GRM7: variants seen among roughly 807,000 people sequenced by gnomAD.
GRM7 encodes glutamate metabotropic receptor 7.
GRM7 carries 35 observed loss-of-function variants against 84.5 expected under a neutral mutation model. The observed-to-expected ratio is 0.41, with a 90% CI of 0.32 to 0.55. GRM7 has a LOEUF of 0.55. GRM7 is among the 20% of genes least tolerant of loss of function. The pLI is 0.19. For missense variants in GRM7, 1,003 were observed against 1,194.6 expected, an observed-to-expected ratio of 0.84 and a Z score of 2.36; for synonymous variants, 487 against 455.1, an observed-to-expected ratio of 1.07 and a Z score of -0.89.
chr3:7,414,521 C>G (rs1375500527), intron 4 of GRM7, among the ~76,000 whole-genome samples: 4 of 152,126 alleles, frequency 2.6e-5, no homozygotes, highest in Non-Finnish European at 5.9e-5. Flanking sequence ...CTAGAGAGTT[C>G]CTGGCGTCCT....
chr3:7,051,101 C>A (rs1381108726), intron 1 of GRM7, among the ~76,000 whole-genome samples: 1 of 151,674 alleles, frequency 6.6e-6, no homozygotes, highest in Non-Finnish European at 1.5e-5. Flanking sequence ...GTTTGGGGAT[C>A]ACTGCTTGAA....
intron 7 of GRM7, among the ~76,000 whole-genome samples, chr3:7,554,682 G>A (rs1023660182): frequency 3.9e-5 from 6 of 152,224 alleles, no homozygotes; most frequent in Admixed American, 3.3e-4. Flanking sequence ...TAGGTCCTGG[G>A]CTCCATTCAG....
chr3:6,913,886 T>C (rs952539473), intron 1 of GRM7, among the ~76,000 whole-genome samples: 15 of 152,174 alleles, frequency 9.9e-5, no homozygotes, highest in African/African-American at 3.4e-4. Flanking sequence ...TGGCGTGCCA[T>C]GCCTTCTCAA....
At chr3:7,566,307 T>C (rs9832297) in intron 7 of GRM7, among the ~76,000 whole-genome samples, 67,267 of 151,736 alleles carry the variant, frequency 0.44, 15,292 homozygotes, top group African/African-American at 0.54. Flanking sequence ...TTTTGACCCA[T>C]AGGCCAGCTT....
At chr3:7,569,911 C>T (rs150670174) in intron 7 of GRM7, among the ~76,000 whole-genome samples, 4,403 of 152,274 alleles carry the variant, frequency 0.029, 98 homozygotes, top group Non-Finnish European at 0.047. Flanking sequence ...ACACTCACCG[C>T]GAGGGTCCGT....
chr3:7,487,684 G>A (rs1426983335), intron 7 of GRM7, among the ~76,000 whole-genome samples: 1 of 152,204 alleles, frequency 6.6e-6, no homozygotes, highest in Non-Finnish European at 1.5e-5. Flanking sequence ...CAAGAGAAGT[G>A]GAGGCATAGC....
intron 9 of GRM7, among the ~76,000 whole-genome samples, chr3:7,683,795 A>G (rs1700473518): frequency 6.6e-6 from 1 of 152,222 alleles, no homozygotes. Flanking sequence ...AAATTTAAGC[A>G]CACACTTTTG....
chr3:7,318,987 A>T (rs1298453033), intron 4 of GRM7, among the ~76,000 whole-genome samples: 1 of 152,082 alleles, frequency 6.6e-6, no homozygotes, highest in Non-Finnish European at 1.5e-5. Flanking sequence ...AGAGACATAG[A>T]GTGGTCCAAC....
intron 1 of GRM7, among the ~76,000 whole-genome samples, chr3:6,977,137 C>G (rs1172609091): frequency 1.3e-5 from 2 of 152,082 alleles, no homozygotes; most frequent in African/African-American, 4.8e-5. Flanking sequence ...TGTGGCGAAA[C>G]CAAGTGTTGG....
At chr3:7,321,359 A>G (rs1262417901) in intron 4 of GRM7, among the ~76,000 whole-genome samples, 3 of 152,094 alleles carry the variant, frequency 2.0e-5, no homozygotes, top group East Asian at 3.9e-4. Context: ...ATGGCATTAT[A>G]TGTAAGCAGA....
At chr3:7,343,607 C>A (rs1692753573) in intron 4 of GRM7, among the ~76,000 whole-genome samples, 1 of 152,100 alleles carries the variant, frequency 6.6e-6, no homozygotes, top group Non-Finnish European at 1.5e-5. Context: ...GTTATTGATG[C>A]TCAGAAAAGC....
intron 2 of GRM7, among the ~76,000 whole-genome samples, chr3:7,291,912 A>G (rs1024281962): frequency 6.6e-6 from 1 of 152,130 alleles, no homozygotes; most frequent in Non-Finnish European, 1.5e-5. Context: ...CAGTTCCCCC[A>G]TACTGTTCTC....
rs758949941 is a variant in GRM7 at position 7,579,106 on chromosome 3, G to C, written c.2200G>C (p.Glu734Gln). Residue 734 changes from glutamate to glutamine, a missense_variant, in exon 8 of 10, where the codon GAA (glutamate) becomes CAA (glutamine). Around this residue, in one of 2 missense-constraint regions of GRM7, gnomAD observed 910 missense variants for 1,126.0 expected, o/e 0.81. Transcript: ENST00000357716. ...DPPNIIIDYD[E>Q]HKTMNPEQAR... ...ACCCAACATCATCATAGACTATGATGAACACAAGACAATGAACCCTGAGCA... is the reference window on the plus strand; with the variant it reads ...ACCCAACATCATCATAGACTATGATCAACACAAGACAATGAACCCTGAGCA... The C allele has an allele frequency of 1.2e-6, 2 of 1,613,890 alleles. No homozygotes were observed. The highest frequency in any genetic ancestry group is 1.7e-6 in the Non-Finnish European group (2 of 1,179,870).
chr3:7,478,366 G>T (rs1340404847), intron 7 of GRM7, among the ~76,000 whole-genome samples: 2 of 152,030 alleles, frequency 1.3e-5, no homozygotes, highest in Non-Finnish European at 2.9e-5. Flanking sequence ...CTGGGTAATT[G>T]CTCATGCCAT....
At chr3:7,197,626 G>C (rs1695920762) in intron 2 of GRM7, among the ~76,000 whole-genome samples, 1 of 151,484 alleles carries the variant, frequency 6.6e-6, no homozygotes, top group African/African-American at 2.4e-5. Flanking sequence ...TAGTCAGTTT[G>C]TGTTTTAGAG....
At chr3:7,021,640 T>G (rs1695780074) in intron 1 of GRM7, among the ~76,000 whole-genome samples, 1 of 152,220 alleles carries the variant, frequency 6.6e-6, no homozygotes, top group Non-Finnish European at 1.5e-5. Flanking sequence ...TTAAACAATA[T>G]TAAGACAAAG....
chr3:7,359,964 C>G (rs1247743938), intron 4 of GRM7, among the ~76,000 whole-genome samples: 1 of 148,326 alleles, frequency 6.7e-6, no homozygotes, highest in Non-Finnish European at 1.5e-5. Flanking sequence ...CTATTAGTTA[C>G]TAAGCTTTTT....
At chr3:7,424,165 G>A (rs998723348) in intron 5 of GRM7, among the ~76,000 whole-genome samples, 8 of 151,840 alleles carry the variant, frequency 5.3e-5, no homozygotes, top group Admixed American at 5.3e-4. Context: ...CTACTATATG[G>A]GCTCATTCAC....
At chr3:6,926,717 G>A (rs1277342174) in intron 1 of GRM7, among the ~76,000 whole-genome samples, 2 of 152,174 alleles carry the variant, frequency 1.3e-5, no homozygotes, top group African/African-American at 2.4e-5. Context: ...CCCTCGGGTT[G>A]AGTTAGTGTC....
Sources: allele counts gnomAD v4.1 joint callset (sites outside exome capture counted in the v4.1 genomes callset), GRCh38; gene constraint gnomAD v4.1.1; regional missense constraint gnomAD v4.1.1; transcripts MANE v1.5; gene names NCBI Gene and HGNC (gene_info 2026-07-23, HGNC 2026-07-21).